The following DYRK4 variants were observed in gnomAD, a reference collection of about 807,000 sequenced individuals.
DYRK4 encodes the protein dual specificity tyrosine phosphorylation regulated kinase 4, also known as dual specificity tyrosine-phosphorylation-regulated kinase 4.
Under a neutral mutation model 68.3 loss-of-function variants are expected in DYRK4, and 64 were observed. That is an observed-to-expected ratio of 0.94 (90% CI 0.77 to 1.15). The LOEUF (loss-of-function observed/expected upper bound fraction) is 1.15, where lower values mean the gene tolerates loss of function less well. Ranked by LOEUF, DYRK4 falls within the 50% of genes most tolerant of loss-of-function variation. The pLI, the probability that DYRK4 is intolerant of heterozygous loss-of-function variation, is 0.00. For synonymous variants in DYRK4, 274 were observed against 289.9 expected (o/e 0.95, Z 0.56); for missense variants, 740 against 764.7 (o/e 0.97, Z 0.38).
At chr12:4,596,856 T>C in intron 8 of DYRK4, 127 bp downstream of exon 8, 1 of 1,528,826 alleles carries the variant, frequency 6.5e-7, no homozygotes, top group South Asian at 1.2e-5. Context: ...TGACAGTCAC[T>C]CAGTTATCCA....
rs757689952 is a variant in DYRK4, at chr12:4,613,674, C to T, written c.1826C>T (p.Ala609Val). The T allele has an allele frequency of 1.3e-5, 21 of 1,612,908 alleles. No individual in the cohort carries two copies. The highest frequency in any genetic ancestry group is 1.1e-4 in the East Asian group (5 of 44,842). ...APKKSEAAVG[A>V]EVSMTSPGQS... is the part of the protein sequence containing the mutation. ...AAGAAGTCAGAGGCAGCTGTCGGGG[C>T]GGAGGTGTCCATGACCTCCCCAGGA... Residue 609 changes from alanine to valine, a missense_variant, in exon 15 of 15, where the codon GCG becomes GTG. By Grantham distance (64) the Ala-to-Val change is moderately conservative (BLOSUM62 0). This residue lies in a region of DYRK4 where 614 missense variants were observed against 603.7 expected (regional missense o/e 1.02). Coordinates refer to ENST00000543431, the MANE Select transcript of DYRK4 (RefSeq NM_001394779.1). This position sits in a 1 kb window ranked among gnomAD's most constrained non-coding sequence, Gnocchi z 4.0.
In DYRK4 at chr12:4,605,044, C is replaced by T. The variant is rs575268141; in HGVS notation, c.1257C>T (p.Phe419=). The change falls in exon 11 of 15, where the codon TTC becomes TTT. Residue 419 remains phenylalanine (F), a synonymous_variant. Transcript: ENST00000543431. ...TAELYTGYPL[F]PGENEVEQLA... is the part of the protein sequence containing the mutation. ...AGTTGTACACGGGCTACCCCCTGTT[C>T]CCCGGGGAGAATGAGGTGGAGCAGC... 1 of 1,613,958 alleles carries T rather than the reference C, an allele frequency of 6.2e-7. No individual in the cohort carries two copies. The highest frequency in any genetic ancestry group is 1.7e-5 in the Admixed American group (1 of 60,010).
chr12:4,576,822 G>A (rs1275470325), intron 2 of DYRK4, among the ~76,000 whole-genome samples: 7 of 152,108 alleles, frequency 4.6e-5, no homozygotes. Flanking sequence ...GAGAGCTGGT[G>A]TTTATTCAGA....
intron 10 of DYRK4, chr12:4,602,075 G>T: frequency 2.3e-6 from 1 of 430,846 alleles, no homozygotes; most frequent in South Asian, 2.6e-5. Context: ...TCTTTCTCAA[G>T]GGTAGTTCTT....
chr12:4,598,038 C>T (rs2137379797), intron 8 of DYRK4, among the ~76,000 whole-genome samples: 1 of 152,282 alleles, frequency 6.6e-6, no homozygotes, highest in South Asian at 2.1e-4. Flanking sequence ...TGCACTCCAG[C>T]CTGGTCAACA....
intron 2 of DYRK4, among the ~76,000 whole-genome samples, chr12:4,585,717 T>C (rs1944890426): frequency 6.6e-6 from 1 of 152,200 alleles, no homozygotes; most frequent in Non-Finnish European, 1.5e-5. Flanking sequence ...ACATGGCAAA[T>C]GTATACATAT....
intron 5 of DYRK4, among the ~76,000 whole-genome samples, chr12:4,592,046 G>A (rs1944962015): frequency 6.6e-6 from 1 of 152,184 alleles, no homozygotes; most frequent in African/African-American, 2.4e-5. Flanking sequence ...TCCACTATGT[G>A]TGCCATCATC....
intron 10 of DYRK4, among the ~76,000 whole-genome samples, chr12:4,603,734 G>A (rs1945108086): frequency 6.6e-6 from 1 of 152,196 alleles, no homozygotes; most frequent in Non-Finnish European, 1.5e-5. Flanking sequence ...AGAAATTCCA[G>A]CTAAAAAGTA....
At chr12:4,602,676 T>C (rs1945094722) in intron 10 of DYRK4, 9 of 1,431,500 alleles carry the variant, frequency 6.3e-6, no homozygotes, top group Non-Finnish European at 7.9e-6. Flanking sequence ...GGTCATTTTC[T>C]GTACTATTTG....
At chr12:4,597,589 C>T (rs1945032825) in intron 8 of DYRK4, among the ~76,000 whole-genome samples, 1 of 152,190 alleles carries the variant, frequency 6.6e-6, no homozygotes, top group South Asian at 2.1e-4. Context: ...AATCACAGTG[C>T]ACAGTTAGAA....
At chr12:4,610,839 C>G (rs1945212379) in intron 13 of DYRK4, among the ~76,000 whole-genome samples, 1 of 152,182 alleles carries the variant, frequency 6.6e-6, no homozygotes. Context: ...TATTTTGAAT[C>G]TTAGAAATTA....
chr12:4,603,651 T>A (rs1222844290), intron 10 of DYRK4, among the ~76,000 whole-genome samples: 1 of 152,244 alleles, frequency 6.6e-6, no homozygotes, highest in Non-Finnish European at 1.5e-5. Context: ...CTCTGTGTCC[T>A]CCATCTGGGC....
intron 8 of DYRK4, among the ~76,000 whole-genome samples, chr12:4,597,843 C>T (rs1945035781): frequency 6.6e-6 from 1 of 152,102 alleles, no homozygotes; most frequent in Admixed American, 6.5e-5. Context: ...AGTACCAGAC[C>T]AGCCTGGCCA....
intron 2 of DYRK4, among the ~76,000 whole-genome samples, chr12:4,574,783 T>C (rs1944769915): frequency 6.6e-6 from 1 of 152,238 alleles, no homozygotes; most frequent in African/African-American, 2.4e-5. Flanking sequence ...AGTGGTGCGA[T>C]CTCGGCTCAC....
intron 2 of DYRK4, among the ~76,000 whole-genome samples, chr12:4,577,353 C>A (rs1237609658): frequency 6.6e-6 from 1 of 152,154 alleles, no homozygotes; most frequent in Non-Finnish European, 1.5e-5. Flanking sequence ...TACAGGTGTG[C>A]ACCACCATGC....
chr12:4,605,363 A>G (rs555290162), intron 11 of DYRK4, among the ~76,000 whole-genome samples: 5 of 152,352 alleles, frequency 3.3e-5, no homozygotes, highest in African/African-American at 7.2e-5. Context: ...CGCTCTTTCA[A>G]AAATATCCAA....
At chr12:4,598,276 G>C (rs1448772565) in intron 8 of DYRK4, among the ~76,000 whole-genome samples, 2 of 152,192 alleles carry the variant, frequency 1.3e-5, no homozygotes, top group Non-Finnish European at 2.9e-5. Context: ...AGAAATGGAA[G>C]ATGAGGAGGA....
chr12:4,597,062 A>G, intron 8 of DYRK4: 1 of 1,135,710 alleles, frequency 8.8e-7, no homozygotes, highest in African/African-American at 1.7e-5. Context: ...CATTTTCCCC[A>G]CTCATTGGCT....
intron 4 of DYRK4, 180 bp from the exon 5 acceptor site, chr12:4,590,976 TCAGA>T (rs1417655601): frequency 1.4e-6 from 1 of 696,026 alleles, no homozygotes; most frequent in African/African-American, 1.8e-5. Context: ...ATAGTGTCAG[TCAGA>T]CAGATGCTTC....
Sources: allele counts gnomAD v4.1 joint callset (sites outside exome capture counted in the v4.1 genomes callset), GRCh38; gene constraint gnomAD v4.1.1; regional missense constraint gnomAD v4.1.1; non-coding constraint Gnocchi (gnomAD v3.1); transcripts MANE v1.5; gene names NCBI Gene and HGNC (gene_info 2026-07-23, HGNC 2026-07-21).